Variants in CCNY observed in about 807,000 individuals in gnomAD.
The protein encoded by CCNY is cyclin Y, also known as cyclin-Y.
In CCNY, 19 loss-of-function variants were observed where a neutral mutation model predicts 42.8. That is an observed-to-expected ratio of 0.44 (90% CI 0.31 to 0.65). The LOEUF is 0.65. CCNY is among the 30% of genes least tolerant of loss of function. CCNY has a pLI of 0.07. For missense variants in CCNY, 370 were observed against 437.3 expected (o/e 0.85, Z 1.37); for synonymous variants, 165 against 162.7 (o/e 1.01, Z -0.11).
chr10:35,264,677 CAG>C (rs2095723203), intron 3 of CCNY, among the ~76,000 whole-genome samples: 1 of 151,826 alleles, frequency 6.6e-6, no homozygotes, highest in Non-Finnish European at 1.5e-5. Context: ...GTTTTTGAGC[CAG>C]AGTCTCATTC....
intron 3 of CCNY, among the ~76,000 whole-genome samples, chr10:35,259,495 GTT>G (rs35988898): frequency 2.2e-3 from 145 of 65,114 alleles, no homozygotes; most frequent in African/African-American, 9.3e-3. Context: ...AGTCCTGGTT[GTT>G]TTTTTTTTTT....
At chr10:35,319,641 C>T (rs1378598186) in intron 3 of CCNY, among the ~76,000 whole-genome samples, 2 of 151,926 alleles carry the variant, frequency 1.3e-5, no homozygotes, top group African/African-American at 2.4e-5. Context: ...TTTGGGAGGC[C>T]GAGGTGGGTG....
intron 1 of CCNY, among the ~76,000 whole-genome samples, chr10:35,349,925 A>C (rs553173065): frequency 6.6e-6 from 1 of 152,328 alleles, no homozygotes; most frequent in African/African-American, 2.4e-5. Flanking sequence ...AGCAATTTGC[A>C]GTGGTTCTGC....
intron 3 of CCNY, among the ~76,000 whole-genome samples, chr10:35,323,501 A>C: frequency 6.8e-6 from 1 of 147,078 alleles, no homozygotes; most frequent in East Asian, 2.0e-4. Flanking sequence ...GTCTAAAAAC[A>C]TTATGCTGAG....
chr10:35,466,501 C>T (rs1404825693), intron 1 of CCNY, among the ~76,000 whole-genome samples: 1 of 152,104 alleles, frequency 6.6e-6, no homozygotes, highest in Non-Finnish European at 1.5e-5. Flanking sequence ...CTTGCCAGTC[C>T]CAGTGTTGTG....
chr10:35,431,995 T>G (rs1393318058), intron 1 of CCNY, among the ~76,000 whole-genome samples: 1 of 152,206 alleles, frequency 6.6e-6, no homozygotes, highest in Non-Finnish European at 1.5e-5. Context: ...TGGTTCATTT[T>G]CTCTTGTCAA....
rs1258477558 is a variant in CCNY, at chr10:35,403,928, G to A, written c.154+66721G>A. Among the ~76,000 whole-genome samples the A allele has an allele frequency of 3.3e-5, 5 of 152,358 alleles. No individual in the cohort carries two copies. The East Asian group carries it at 9.6e-4, about 29-fold the overall frequency. ...TGAGGAACAGGAAAGAAGGAAATAT[G>A]GGGAAATGGAGTGAATGTCAGGTGG... On this transcript the variant is annotated intron_variant, in intron 1 of 9. Transcript: ENST00000374704.
At chr10:35,321,963 C>T (rs894892836) in intron 3 of CCNY, among the ~76,000 whole-genome samples, 8 of 151,998 alleles carry the variant, frequency 5.3e-5, no homozygotes, top group East Asian at 1.9e-4. Context: ...CAAATGGTAC[C>T]GGAAAAACTG....
intron 1 of CCNY, among the ~76,000 whole-genome samples, chr10:35,401,540 G>A (rs1387107546): frequency 2.7e-5 from 4 of 150,528 alleles, no homozygotes; most frequent in African/African-American, 9.8e-5. Context: ...GGAGGTACAA[G>A]CAAAGGCATC....
chr10:35,248,319 G>C (rs1435848739), intron 2 of CCNY: 1 of 152,292 alleles, frequency 6.6e-6, no homozygotes, highest in Admixed American at 6.6e-5. Context: ...TAGGTTGTGG[G>C]GACTGGCAGT....
chr10:35,338,692 T>C (rs1480626381), intron 1 of CCNY, among the ~76,000 whole-genome samples: 1 of 152,228 alleles, frequency 6.6e-6, no homozygotes, highest in Admixed American at 6.5e-5. Flanking sequence ...CTATACTATG[T>C]TGACAGGCGA....
chr10:35,394,895 G>C lies in CCNY; in HGVS notation c.154+57688G>C, dbSNP rs145364758. On this transcript the variant is annotated intron_variant, in intron 1 of 9. Coordinates refer to ENST00000374704, the MANE Select transcript of CCNY (RefSeq NM_145012.6). Reference sequence around the variant, plus strand: ...CTGAATACTGTGAGTCTGTGCCTTGGAAAATTAAATGGGAGTATTGTAAAA... The same window carrying C: ...CTGAATACTGTGAGTCTGTGCCTTGCAAAATTAAATGGGAGTATTGTAAAA... 6.4e-4 allele frequency: 619 copies of C among 974,368 alleles called. No homozygotes were observed. In the African/African-American group the frequency reaches 0.01, roughly 16 times the overall value. 60.4% of individuals were successfully genotyped at this position (974,368 alleles called of 1,614,324 possible).
rs1054678040 is a variant in CCNY, at chr10:35,512,927, C to T, written c.265-3596C>T. Among the ~76,000 whole-genome samples the T allele has an allele frequency of 3.3e-5, 5 of 152,022 alleles. No homozygotes were observed. In the East Asian group the frequency reaches 5.8e-4, roughly 18 times the overall value. ...CTGCTTCCTCCTCCTCATCATCCTGCGCTTTGATCGTATGTTTGTGTGTGC... is the reference window on the plus strand; with the variant it reads ...CTGCTTCCTCCTCCTCATCATCCTGTGCTTTGATCGTATGTTTGTGTGTGC... On this transcript the variant is annotated intron_variant, in intron 3 of 9. Coordinates refer to ENST00000374704, the MANE Select transcript of CCNY (RefSeq NM_145012.6).
intron 4 of CCNY, among the ~76,000 whole-genome samples, chr10:35,522,292 A>G (rs1840562819): frequency 6.6e-6 from 1 of 152,176 alleles, no homozygotes; most frequent in African/African-American, 2.4e-5. Flanking sequence ...TGATCCTCAC[A>G]GTTTCTGGGC....
chr10:35,334,305 A>C (rs910094063), upstream of CCNY, among the ~76,000 whole-genome samples: 1 of 152,230 alleles, frequency 6.6e-6, no homozygotes, highest in Non-Finnish European at 1.5e-5. Flanking sequence ...AGCTTAATGC[A>C]TCTGAGTAGA....
At chr10:35,272,033 C>CT (rs1489538146) in intron 3 of CCNY, among the ~76,000 whole-genome samples, 3 of 152,224 alleles carry the variant, frequency 2.0e-5, no homozygotes, top group African/African-American at 7.2e-5. Flanking sequence ...TCGCTCCAGG[C>CT]TGGAGTGCAG....
At chr10:35,286,460 G>C (rs1835355474) in intron 3 of CCNY, among the ~76,000 whole-genome samples, 3 of 151,478 alleles carry the variant, frequency 2.0e-5, no homozygotes, top group Non-Finnish European at 4.4e-5. Flanking sequence ...CCAGGTTCAA[G>C]TGATTCTCCT....
intron 1 of CCNY, among the ~76,000 whole-genome samples, chr10:35,473,484 G>A (rs990326105): frequency 1.3e-5 from 2 of 152,272 alleles, no homozygotes; most frequent in African/African-American, 2.4e-5. Flanking sequence ...CTCTCTGCAC[G>A]CTGCAAAGGC....
At chr10:35,338,200 A>C (rs1264804118) in intron 1 of CCNY, among the ~76,000 whole-genome samples, 1 of 152,208 alleles carries the variant, frequency 6.6e-6, no homozygotes, top group African/African-American at 2.4e-5. Context: ...ACACAACTTC[A>C]TAATTCGTTC....
Sources: gnomAD v4.1 joint callset for allele counts (sites outside exome capture counted in the v4.1 genomes callset) on GRCh38, gnomAD v4.1.1 for gene constraint, MANE v1.5 for transcripts, NCBI Gene and HGNC (gene_info 2026-07-23, HGNC 2026-07-21) for gene names.